Variants in DACH2 observed in about 807,000 individuals in gnomAD.
DACH2 encodes the protein dachshund homolog 2.
In DACH2, 17 loss-of-function variants were observed where a neutral mutation model predicts 35.8. The ratio of observed to expected loss-of-function variants is 0.48; its 90% CI spans 0.33 to 0.71. The LOEUF (loss-of-function observed/expected upper bound fraction) is 0.71, where lower values mean the gene tolerates loss of function less well. Ranked by LOEUF, DACH2 falls within the 30% of genes least tolerant of loss-of-function variation. The pLI is 0.02. For synonymous variants in DACH2, 195 were observed against 177.3 expected, an observed-to-expected ratio of 1.10 and a Z score of -0.79; for missense variants, 469 against 472.7, an observed-to-expected ratio of 0.99 and a Z score of 0.07.
intron 1 of DACH2, among the ~76,000 whole-genome samples, chrX:86,239,071 G>C (rs1025615554): frequency 7.2e-5 from 8 of 111,563 alleles, no homozygotes; most frequent in African/African-American, 2.6e-4. Context: ...AACAGAGAAA[G>C]CAGTAAGGTG....
At chrX:86,570,018 G>C (rs746602675) in intron 3 of DACH2, among the ~76,000 whole-genome samples, 1 of 111,903 alleles carries the variant, frequency 8.9e-6, no homozygotes, top group East Asian at 2.8e-4. Context: ...TTAGAGAAAT[G>C]CAAATTAAAA....
chrX:86,731,107 C>A (rs2148473085), intron 6 of DACH2, among the ~76,000 whole-genome samples: 1 of 111,381 alleles, frequency 9.0e-6, no homozygotes, highest in South Asian at 3.7e-4. Flanking sequence ...AAAGAAAAAT[C>A]TCTGATTTCT....
At chrX:86,483,141 TAA>T (rs764980235) in intron 2 of DACH2, among the ~76,000 whole-genome samples, 10 of 73,217 alleles carry the variant, frequency 1.4e-4, no homozygotes, top group African/African-American at 5.2e-4. Context: ...AGTATAATAA[TAA>T]AAAAAAAACA....
At chrX:86,669,854 A>G (rs749087239) in intron 4 of DACH2, among the ~76,000 whole-genome samples, 12 of 111,149 alleles carry the variant, frequency 1.1e-4, no homozygotes, top group African/African-American at 3.9e-4. Context: ...TTTCAGTTTG[A>G]TGATGGTGAA....
In DACH2 at chrX:86,785,921, A is replaced by C. The variant is rs772042308; in HGVS notation, c.1241-26935A>C. ...GACAACCTAAGATAACTAGCTCTCA[A>C]ACATGGCCAGAAACAAGATTTGATG... is the stretch of plus-strand genomic sequence containing the variant. On this transcript the variant is annotated intron_variant, in intron 7 of 11. Transcript: ENST00000373125. 1.3e-4 allele frequency among the ~76,000 whole-genome samples: 15 copies of C among 111,742 alleles called. No homozygotes were observed. The East Asian group carries it at 3.4e-3, about 25-fold the overall frequency.
chrX:86,530,495 CTCTT>C (rs1346276833), intron 3 of DACH2, among the ~76,000 whole-genome samples: 5 of 111,134 alleles, frequency 4.5e-5, no homozygotes, highest in African/African-American at 6.5e-5. Context: ...CTTTCTCTCT[CTCTT>C]TCTCTCTCTT....
chrX:86,363,465 A>G (rs990333977), intron 1 of DACH2, among the ~76,000 whole-genome samples: 3 of 111,353 alleles, frequency 2.7e-5, no homozygotes, highest in African/African-American at 9.8e-5. Context: ...GTGTGATCCT[A>G]TTGGTACGGT....
chrX:86,577,268 A>G (rs1239714665), intron 3 of DACH2, among the ~76,000 whole-genome samples: 6 of 110,796 alleles, frequency 5.4e-5, no homozygotes, highest in Admixed American at 9.7e-5. Context: ...GCAGTTAGTT[A>G]AGATGGGAGA....
chrX:86,278,269 G>A (rs2033956465), intron 1 of DACH2, among the ~76,000 whole-genome samples: 1 of 111,965 alleles, frequency 8.9e-6, no homozygotes, highest in Non-Finnish European at 1.9e-5. Flanking sequence ...CAACTCCCGA[G>A]TACACATCGC....
intron 1 of DACH2, among the ~76,000 whole-genome samples, chrX:86,373,913 A>G (rs1401134072): frequency 9.0e-6 from 1 of 111,420 alleles, no homozygotes; most frequent in Non-Finnish European, 1.9e-5. Context: ...AGCATCGGTT[A>G]AAGGAACAAT....
At chrX:86,594,613 C>T (rs1044748578) in intron 3 of DACH2, among the ~76,000 whole-genome samples, 12 of 111,101 alleles carry the variant, frequency 1.1e-4, no homozygotes, top group African/African-American at 3.9e-4. Context: ...TTAATCTCTA[C>T]ATATTGGGGT....
At chrX:86,592,299 T>G (rs2039657678) in intron 3 of DACH2, among the ~76,000 whole-genome samples, 2 of 112,060 alleles carry the variant, frequency 1.8e-5, no homozygotes, top group Admixed American at 1.9e-4. Context: ...TGACTTGCCT[T>G]TGCAGTTTGT....
At chrX:86,691,391 G>A (rs1395025592) in intron 4 of DACH2, among the ~76,000 whole-genome samples, 3 of 111,295 alleles carry the variant, frequency 2.7e-5, no homozygotes, top group Non-Finnish European at 5.7e-5. Flanking sequence ...ATGATTGAGG[G>A]GATGAATACC....
chrX:86,483,450 A>G (rs964335510), intron 2 of DACH2, among the ~76,000 whole-genome samples: 1 of 111,564 alleles, frequency 9.0e-6, no homozygotes, highest in Non-Finnish European at 1.9e-5. Flanking sequence ...CTCAGTATGT[A>G]TAATGGATAA....
intron 3 of DACH2, among the ~76,000 whole-genome samples, chrX:86,601,113 C>T (rs766724030): frequency 9.0e-6 from 1 of 110,976 alleles, no homozygotes; most frequent in Non-Finnish European, 1.9e-5. Context: ...TTCTATATTC[C>T]TCTCTGTACC....
chrX:86,223,366 T>C (rs2032755293), intron 1 of DACH2, among the ~76,000 whole-genome samples: 1 of 111,581 alleles, frequency 9.0e-6, no homozygotes, highest in Non-Finnish European at 1.9e-5. Flanking sequence ...CTTTTATACA[T>C]ACAGATTTTG....
intron 1 of DACH2, among the ~76,000 whole-genome samples, chrX:86,219,257 T>C (rs1663857696): frequency 9.0e-6 from 1 of 111,072 alleles, no homozygotes; most frequent in African/African-American, 3.3e-5. Flanking sequence ...TCCATGAAAT[T>C]TTTTTTTTCT....
chrX:86,528,802 A>G (rs1258057001), intron 3 of DACH2, among the ~76,000 whole-genome samples: 1 of 112,315 alleles, frequency 8.9e-6, no homozygotes, highest in Non-Finnish European at 1.9e-5. Flanking sequence ...AATTTTTTGA[A>G]TTTTTAAAAT....
At position 86,233,488 on chromosome X, in the gene DACH2, T is replaced by C. The variant is rs376173678; in HGVS notation, c.488+84380T>C. On this transcript the variant is annotated intron_variant, in intron 1 of 11. Transcript: ENST00000373125. ...CCAAGAATGCAACTCTTTTGGACCATCCATTTAAACTGGTTTCCAGGTTGG... is the reference window on the plus strand; with the variant it reads ...CCAAGAATGCAACTCTTTTGGACCACCCATTTAAACTGGTTTCCAGGTTGG... Among the ~76,000 whole-genome samples the C allele has an allele frequency of 3.6e-5, 4 of 112,187 alleles. No individual in the cohort carries two copies. In the South Asian group the frequency reaches 1.5e-3, roughly 42 times the overall value.
Sources: allele counts gnomAD v4.1 joint callset (sites outside exome capture counted in the v4.1 genomes callset), GRCh38; gene constraint gnomAD v4.1.1; transcripts MANE v1.5; gene names NCBI Gene and HGNC (gene_info 2026-07-23, HGNC 2026-07-21).